The following CACNA1B variants were observed in gnomAD, a reference collection of about 807,000 sequenced individuals.
The protein encoded by CACNA1B is calcium voltage-gated channel subunit alpha1 B.
A neutral mutation model predicts 247.2 loss-of-function variants in CACNA1B; 70 were observed. The observed-to-expected ratio is 0.28, with a 90% CI of 0.23 to 0.35. The LOEUF is 0.35. Among genes scored for constraint, CACNA1B ranks in the 10% least tolerant of loss-of-function variants. The pLI, the probability that CACNA1B is intolerant of heterozygous loss-of-function variation, is 1.00. For synonymous variants in CACNA1B, 1,231 were observed against 1,294.4 expected (o/e 0.95, Z 1.05); for missense variants, 2,367 against 3,197.4 (o/e 0.74, Z 6.26).
chr9:137,967,025 T>A (rs571822045), intron 10 of CACNA1B, among the ~76,000 whole-genome samples: 1 of 151,820 alleles, frequency 6.6e-6, no homozygotes, highest in South Asian at 2.1e-4. Flanking sequence ...TGGTAACGGG[T>A]GAATCCAGTC....
rs1292635572 is a variant in CACNA1B at position 138,023,706 on chromosome 9, C to T, written c.2963C>T (p.Ala988Val). Residue 988 changes from alanine (A) to valine (V), a missense_variant, in exon 19 of 47, where the codon GCT becomes GTT. Coordinates refer to ENST00000371372, the MANE Select transcript of CACNA1B (RefSeq NM_000718.4). ...RHRARHKAQPAHEAVEKETTE... is the reference protein window; with the variant it reads ...RHRARHKAQPVHEAVEKETTE... ...CGGGCCCGGCACAAGGCGCAGCCTGCTCACGAGGCTGTGGAGAAGGAGACC... is the reference window on the plus strand; with the variant it reads ...CGGGCCCGGCACAAGGCGCAGCCTGTTCACGAGGCTGTGGAGAAGGAGACC... 3 of 1,541,860 alleles carry T rather than the reference C, an allele frequency of 1.9e-6. No individual in the cohort carries two copies. The highest frequency in any genetic ancestry group is 2.6e-6 in the Non-Finnish European group (3 of 1,143,482).
chr9:138,062,567 G>A (rs572237696), intron 31 of CACNA1B, among the ~76,000 whole-genome samples: 3 of 152,300 alleles, frequency 2.0e-5, no homozygotes, highest in South Asian at 2.1e-4. Flanking sequence ...CATAGACAGC[G>A]ATGTCTCTTG....
At position 138,050,036 on chromosome 9, in the gene CACNA1B, ACT is replaced by A. The variant is rs1190073253; in HGVS notation, c.3710+724_3710+725del. ...GGGAGGGCTGCTCCTGGTGCCACTG[ACT>A]CTGTTCTCTTTGTCTTCCTCTTGCT... On this transcript the variant is annotated intron_variant, in intron 24 of 46. Transcript: ENST00000371372. This position sits in a 1 kb window ranked among gnomAD's most constrained non-coding sequence, Gnocchi z 5.2. The A allele has an allele frequency of 1.6e-6, 2 of 1,287,300 alleles. No individual in the cohort carries two copies. The highest frequency in any genetic ancestry group is 5.6e-5 in the East Asian group (1 of 17,960). The allele number at this position is 1,287,300 out of a possible 1,614,324, so 79.7% of individuals were successfully genotyped here.
chr9:137,882,413 G>C lies in CACNA1B; in HGVS notation c.391-331G>C, dbSNP rs1956935947. On this transcript the variant is annotated intron_variant, in intron 2 of 46. Transcript: ENST00000371372. The surrounding 1 kb of genome is among the most constrained non-coding windows in gnomAD (Gnocchi z 4.0). ...TCCCCGAAGCAAGGCCCACTGCATG[G>C]TGCTAGCAGGGAGATTGGGGCCCCA... 1.3e-5 allele frequency among the ~76,000 whole-genome samples: 2 copies of C among 152,180 alleles called. No homozygotes were observed. Among genetic ancestry groups the C allele is most frequent in the South Asian group, 4.1e-4 (2 of 4,832 alleles).
rs959029200 is a variant in CACNA1B at position 138,121,292 on chromosome 9, C to T, written c.6490-177C>T. 1.3e-5 allele frequency among the ~76,000 whole-genome samples: 2 copies of T among 152,142 alleles called. No homozygotes were observed. Among genetic ancestry groups the T allele is most frequent in the Non-Finnish European group, 2.9e-5 (2 of 68,024 alleles). On this transcript the variant is annotated intron_variant, in intron 46 of 46. Transcript: ENST00000371372. This position sits in a 1 kb window ranked among gnomAD's most constrained non-coding sequence, Gnocchi z 6.8. ...TTCCTGGGCCTGACCCTGACCATCG[C>T]CCTCCCCCGCACACAGGTGCCTGTT...
In CACNA1B at chr9:138,121,705, C is replaced by A; in HGVS notation, c.6726C>A (p.Asp2242Glu). 1 of 1,613,296 alleles carries A rather than the reference C, an allele frequency of 6.2e-7. No individual in the cohort carries two copies. Among genetic ancestry groups the A allele is most frequent in the Non-Finnish European group, 8.5e-7 (1 of 1,179,794 alleles). Reference protein sequence around the residue: ...LSEHNALLQRDPLSQPLAPGS... With the variant: ...LSEHNALLQREPLSQPLAPGS... ...AACACAACGCCCTGCTGCAGAGAGA[C>A]CCCCTCAGCCAGCCCCTGGCCCCTG... Residue 2242 changes from aspartate to glutamate, a missense_variant, in exon 47 of 47, where the codon GAC (aspartate) becomes GAA (glutamate). By Grantham distance (45) the Asp-to-Glu change is conservative. Transcript: ENST00000371372. This position sits in a 1 kb window ranked among gnomAD's most constrained non-coding sequence, Gnocchi z 6.8.
intron 21 of CACNA1B, 65 bp downstream of exon 21, chr9:138,043,965 T>C: frequency 6.3e-7 from 1 of 1,579,798 alleles, no homozygotes; most frequent in East Asian, 2.3e-5. Context: ...ACCCGTGGGA[T>C]CTCAGTAGCC....
chr9:137,985,929 C>T (rs1340802109), intron 13 of CACNA1B, among the ~76,000 whole-genome samples: 1 of 152,190 alleles, frequency 6.6e-6, no homozygotes, highest in Non-Finnish European at 1.5e-5. Context: ...GGCACTGGAG[C>T]CAGGGTCTCT....
At chr9:137,921,835 A>G (rs139741403) in intron 6 of CACNA1B, among the ~76,000 whole-genome samples, 84 of 146,692 alleles carry the variant, frequency 5.7e-4, no homozygotes, top group Non-Finnish European at 1.1e-3. Context: ...ACCGCACAGC[A>G]TCCTGGGAGC....
rs542218388 is a variant in CACNA1B at position 138,057,694 on chromosome 9, T to C, written c.3969-38T>C. ...GATAGGTGGGTTTATTTGGATCTTT[T>C]GTCTTTGCCCTCTAACCTCCCATGT... is the stretch of plus-strand genomic sequence containing the variant. On this transcript the variant is annotated intron_variant, in intron 26 of 46. Coordinates refer to ENST00000371372, the MANE Select transcript of CACNA1B (RefSeq NM_000718.4). The surrounding 1 kb of genome is among the most constrained non-coding windows in gnomAD (Gnocchi z 4.0). 2 of 1,579,170 alleles carry C rather than the reference T, an allele frequency of 1.3e-6. No homozygotes were observed. The highest frequency in any genetic ancestry group is 1.7e-6 in the Non-Finnish European group (2 of 1,154,324).
chr9:138,052,288 T>C lies in CACNA1B; in HGVS notation c.3807+100T>C. ...TATGCATGCAGTGCATGAGTGTGTG[T>C]GTGTTCACATCACACCCCTGTGTGA... On this transcript the variant is annotated intron_variant, in intron 25 of 46. Coordinates refer to ENST00000371372, the MANE Select transcript of CACNA1B (RefSeq NM_000718.4). The surrounding 1 kb of genome is among the most constrained non-coding windows in gnomAD (Gnocchi z 5.1). The C allele has an allele frequency of 1.5e-6, 1 of 684,680 alleles. No homozygotes were observed. The highest frequency in any genetic ancestry group is 1.7e-5 in the South Asian group (1 of 60,252). 42.4% of individuals were successfully genotyped at this position (684,680 alleles called of 1,614,324 possible).
chr9:138,114,437 C>T lies in CACNA1B; in HGVS notation c.5596C>T (p.Gln1866Ter). Residue 1866 changes from glutamine to a stop codon, truncating the protein, a stop_gained, in exon 41 of 47, where the codon CAG becomes TAG. Transcript: ENST00000371372. LOFTEE classifies it high-confidence loss of function. ...AALMIFDFYK[Q>*]NKTTRDQMQQ... Reference sequence around the variant, plus strand: ...TCTGATGATATTCGACTTCTACAAGCAGAACAAAACCACCAGAGACCAGAT... The same window carrying T: ...TCTGATGATATTCGACTTCTACAAGTAGAACAAAACCACCAGAGACCAGAT... 1 of 1,594,310 alleles carries T rather than the reference C, an allele frequency of 6.3e-7. No individual in the cohort carries two copies. Among genetic ancestry groups the T allele is most frequent in the Non-Finnish European group, 8.5e-7 (1 of 1,169,818 alleles).
At chr9:138,095,145 A>G (rs979112799) in intron 36 of CACNA1B, among the ~76,000 whole-genome samples, 3 of 152,238 alleles carry the variant, frequency 2.0e-5, no homozygotes, top group Non-Finnish European at 4.4e-5. Flanking sequence ...TTTGTACGTC[A>G]AAGGACATTA....
rs565277305 is a variant in CACNA1B at position 138,074,691 on chromosome 9, C to T, written c.4857+625C>T. Among the ~76,000 whole-genome samples, 359 of 152,368 alleles carry T rather than the reference C, an allele frequency of 2.4e-3. 1 individual carries two copies. Among genetic ancestry groups the T allele is most frequent in the African/African-American group, 8.3e-3 (346 of 41,592 alleles). ...CAACAGGTGGATGCACCGTGGTGTTCTTGAGGGCTGCATGGGCTCCCGCCC... is the reference window on the plus strand; with the variant it reads ...CAACAGGTGGATGCACCGTGGTGTTTTTGAGGGCTGCATGGGCTCCCGCCC... On this transcript the variant is annotated intron_variant, in intron 34 of 46. Transcript: ENST00000371372.
At chr9:137,903,722 G>A (rs1957265705) in intron 3 of CACNA1B, among the ~76,000 whole-genome samples, 1 of 151,952 alleles carries the variant, frequency 6.6e-6, no homozygotes, top group African/African-American at 2.4e-5. Context: ...CAGGAATGTA[G>A]TATGTATGAA....
intron 37 of CACNA1B, among the ~76,000 whole-genome samples, chr9:138,098,448 G>C (rs907337411): frequency 6.6e-6 from 1 of 152,214 alleles, no homozygotes; most frequent in African/African-American, 2.4e-5. Flanking sequence ...TTCTGGAGGA[G>C]ACTGTGTTGC....
intron 6 of CACNA1B, among the ~76,000 whole-genome samples, chr9:137,920,633 CA>C (rs1957466837): frequency 1.3e-5 from 2 of 152,318 alleles, no homozygotes; most frequent in South Asian, 4.1e-4. Context: ...AGGATTTCTC[CA>C]ATGACCATGT....
chr9:138,075,400 G>A (rs1960280669), intron 34 of CACNA1B, among the ~76,000 whole-genome samples: 1 of 152,188 alleles, frequency 6.6e-6, no homozygotes. Context: ...AGTTAAAATG[G>A]CTAAAAAGCC....
chr9:138,101,295 C>A, intron 37 of CACNA1B: 2 of 464,250 alleles, frequency 4.3e-6, no homozygotes, highest in Non-Finnish European at 8.8e-6. Context: ...CGACGCCTCA[C>A]CTTTCTTTCC....
Sources: gnomAD v4.1 joint callset for allele counts (sites outside exome capture counted in the v4.1 genomes callset) on GRCh38, gnomAD v4.1.1 for gene constraint, Gnocchi (gnomAD v3.1) non-coding constraint, MANE v1.5 for transcripts, NCBI Gene and HGNC (gene_info 2026-07-23, HGNC 2026-07-21) for gene names.